The following DCAF5 variants were observed in gnomAD, a reference collection of about 807,000 sequenced individuals.
DCAF5 encodes the protein DDB1- and CUL4-associated factor 5.
DCAF5 carries 9 observed loss-of-function variants against 80.7 expected under a neutral mutation model. That is an observed-to-expected ratio of 0.11 (90% CI 0.07 to 0.19). The LOEUF is 0.19. DCAF5 is among the 10% of genes least tolerant of loss of function. The pLI is 1.00. For synonymous variants in DCAF5, 433 were observed against 461.9 expected (o/e 0.94, Z 0.80); for missense variants, 842 against 1,205.7 (o/e 0.70, Z 4.47).
Position 69,075,421 on chromosome 14 carries a change from C to A in DCAF5, c.880-10G>T. On this transcript the variant is annotated splice_polypyrimidine_tract_variant and intron_variant, in intron 6 of 8. Coordinates refer to ENST00000341516, the MANE Select transcript of DCAF5 (RefSeq NM_003861.3). The stretch of plus-strand genomic sequence containing the variant: ...AGCCCGAAAGGATATACTGTTGGAA[C>A]AAAAAATATATAGATAACATTATAT... The A allele has an allele frequency of 6.4e-7, 1 of 1,551,230 alleles. No individual in the cohort carries two copies. Among genetic ancestry groups the A allele is most frequent in the Non-Finnish European group, 8.8e-7 (1 of 1,136,344 alleles).
chr14:69,150,886 C>T (rs934642852), intron 1 of DCAF5, among the ~76,000 whole-genome samples: 1 of 152,066 alleles, frequency 6.6e-6, no homozygotes, highest in Non-Finnish European at 1.5e-5. Context: ...CAGAGTGATA[C>T]CCTGTCTCAA....
chr14:69,119,333 G>T, intron 2 of DCAF5, 103 bp from the exon 3 acceptor site: 2 of 1,119,008 alleles, frequency 1.8e-6, no homozygotes, highest in African/African-American at 1.6e-5. Context: ...TATGAACAAA[G>T]CCAATGCTAA....
In DCAF5 at chr14:69,054,349, C is replaced by T; in HGVS notation, c.2337G>A (p.Lys779=). Residue 779 remains lysine, a synonymous_variant, in exon 9 of 9, where the codon AAG becomes AAA. Coordinates refer to ENST00000341516, the MANE Select transcript of DCAF5 (RefSeq NM_003861.3). ...GACTGCTCAGGGCCTTTCCATTGAG[C>T]TTCTTGGTTTCAAAAGGGTGCTCTA... ...GSVEHPFETK[K]LNGKALSSRA... 2 of 1,614,202 alleles carry T rather than the reference C, an allele frequency of 1.2e-6. No individual in the cohort carries two copies. The highest frequency in any genetic ancestry group is 1.3e-5 in the African/African-American group (1 of 75,072).
At chr14:69,150,368 C>T (rs961251240) in intron 1 of DCAF5, among the ~76,000 whole-genome samples, 3 of 152,094 alleles carry the variant, frequency 2.0e-5, no homozygotes, top group African/African-American at 7.2e-5. Flanking sequence ...CTGCCAGAGC[C>T]TCCTCTGTGG....
chr14:69,148,291 T>C (rs1187151949), intron 1 of DCAF5, among the ~76,000 whole-genome samples: 1 of 152,190 alleles, frequency 6.6e-6, no homozygotes, highest in African/African-American at 2.4e-5. Context: ...TAGGATCTCT[T>C]GTAAGTGGCA....
chr14:69,075,322 A>G (rs772066428), intron 7 of DCAF5, 23 bp downstream of exon 7: 72 of 1,599,456 alleles, frequency 4.5e-5, no homozygotes, highest in Non-Finnish European at 6.0e-5. Context: ...ATAGCAGTAC[A>G]TTCATGTGAA....
intron 1 of DCAF5, among the ~76,000 whole-genome samples, chr14:69,145,053 T>A (rs1407361699): frequency 6.6e-6 from 1 of 152,204 alleles, no homozygotes; most frequent in Non-Finnish European, 1.5e-5. Flanking sequence ...ATAACACTTT[T>A]ATTGTTTTTC....
At chr14:69,146,774 A>G (rs1480019017) in intron 1 of DCAF5, among the ~76,000 whole-genome samples, 1 of 152,252 alleles carries the variant, frequency 6.6e-6, no homozygotes, top group East Asian at 1.9e-4. Context: ...TAATAAATAG[A>G]TCAAATAATA....
intron 1 of DCAF5, among the ~76,000 whole-genome samples, chr14:69,134,007 A>G (rs1458256982): frequency 6.6e-6 from 1 of 152,238 alleles, no homozygotes; most frequent in Non-Finnish European, 1.5e-5. Flanking sequence ...AAACAGAGAA[A>G]GAAATCCACA....
At chr14:69,071,592 A>AGAGG (rs1326060603) in intron 7 of DCAF5, among the ~76,000 whole-genome samples, 1 of 140,908 alleles carries the variant, frequency 7.1e-6, no homozygotes, top group Admixed American at 7.0e-5. Flanking sequence ...TGAGAGAGAA[A>AGAGG]GAGGGAGGGA....
Position 69,112,046 on chromosome 14 carries a change from A to G in DCAF5, c.665+4320T>C, listed in dbSNP as rs1435329008. Among the ~76,000 whole-genome samples the G allele has an allele frequency of 3.3e-5, 5 of 152,360 alleles. No individual in the cohort carries two copies. The East Asian group carries it at 9.6e-4, about 29-fold the overall frequency. On this transcript the variant is annotated intron_variant, in intron 5 of 8. Coordinates refer to ENST00000341516, the MANE Select transcript of DCAF5 (RefSeq NM_003861.3). Reference sequence around the variant, plus strand: ...GCCATATGAGAATAAAGGTCCGACAATATCAGATCTTTTGTCTTTTTCAAG... The same window carrying G: ...GCCATATGAGAATAAAGGTCCGACAGTATCAGATCTTTTGTCTTTTTCAAG...
intron 8 of DCAF5, 32 bp downstream of exon 8, chr14:69,062,352 C>A (rs2038249658): frequency 6.2e-7 from 1 of 1,605,866 alleles, no homozygotes; most frequent in East Asian, 2.2e-5. Context: ...GTGAGAATTT[C>A]TCTAAAAGGA....
chr14:69,099,803 C>T (rs968700660), intron 5 of DCAF5, among the ~76,000 whole-genome samples: 2 of 151,906 alleles, frequency 1.3e-5, no homozygotes, highest in African/African-American at 4.8e-5. Flanking sequence ...AAAAATTAGC[C>T]GAGCATAGTG....
intron 5 of DCAF5, among the ~76,000 whole-genome samples, chr14:69,096,337 T>C (rs1469365857): frequency 6.6e-6 from 1 of 152,220 alleles, no homozygotes; most frequent in Admixed American, 6.5e-5. Context: ...CATTGCGATC[T>C]GTGAATGAAC....
intron 5 of DCAF5, among the ~76,000 whole-genome samples, chr14:69,102,373 C>A (rs996780972): frequency 3.9e-5 from 6 of 152,102 alleles, no homozygotes; most frequent in Admixed American, 2.0e-4. Flanking sequence ...TCCCAAAGTG[C>A]TGGGATTACG....
intron 1 of DCAF5, among the ~76,000 whole-genome samples, chr14:69,137,072 A>G (rs2041217032): frequency 6.6e-6 from 1 of 152,152 alleles, no homozygotes; most frequent in African/African-American, 2.4e-5. Flanking sequence ...CAAATTTCCT[A>G]TAATTAATAC....
chr14:69,063,384 T>A (rs563061036), intron 7 of DCAF5, among the ~76,000 whole-genome samples: 4 of 152,346 alleles, frequency 2.6e-5, no homozygotes, highest in Admixed American at 2.6e-4. Context: ...CACATGCACA[T>A]AAATTCTGAT....
At chr14:69,106,530 C>G (rs2040167086) in intron 5 of DCAF5, among the ~76,000 whole-genome samples, 1 of 151,950 alleles carries the variant, frequency 6.6e-6, no homozygotes, top group Non-Finnish European at 1.5e-5. Flanking sequence ...ACTACCCCAC[C>G]TGGCTAATTT....
chr14:69,121,141 G>A (rs1347761226), intron 2 of DCAF5, among the ~76,000 whole-genome samples: 1 of 152,204 alleles, frequency 6.6e-6, no homozygotes, highest in Admixed American at 6.5e-5. Context: ...CTCAGGGAAG[G>A]GAGGTCAGGC....
Sources: allele counts gnomAD v4.1 joint callset (sites outside exome capture counted in the v4.1 genomes callset), GRCh38; gene constraint gnomAD v4.1.1; transcripts MANE v1.5; gene names NCBI Gene and HGNC (gene_info 2026-07-23, HGNC 2026-07-21).